The following PAK1IP1 variants were observed in gnomAD, a reference collection of about 807,000 sequenced individuals.
PAK1IP1 encodes the protein PAK1 interacting protein 1.
Under a neutral mutation model 42.0 loss-of-function variants are expected in PAK1IP1, and 24 were observed. That is an observed-to-expected ratio of 0.57 (90% confidence interval 0.41 to 0.80). The LOEUF (loss-of-function observed/expected upper bound fraction) is 0.80. Among genes scored for constraint, PAK1IP1 ranks in the 30% least tolerant of loss-of-function variants. The pLI, the probability that PAK1IP1 is intolerant of heterozygous loss-of-function variation, is 0.00. For synonymous variants in PAK1IP1, 154 were observed against 156.7 expected (o/e 0.98, Z 0.13); for missense variants, 411 against 467.9 (o/e 0.88, Z 1.12).
chr6:10,697,340 C>G lies in PAK1IP1; in HGVS notation c.101C>G (p.Ala34Gly). The G allele has an allele frequency of 6.2e-7, 1 of 1,613,684 alleles. No homozygotes were observed. Among genetic ancestry groups the G allele is most frequent in the Non-Finnish European group, 8.5e-7 (1 of 1,179,738 alleles). Residue 34 changes from alanine (A) to glycine (G), a missense_variant, in exon 2 of 10, where the codon GCT (alanine) becomes GGT (glycine). Physicochemically the swap from Ala to Gly is moderately conservative, Grantham distance 60 (BLOSUM62 0). Coordinates refer to ENST00000379568, the MANE Select transcript of PAK1IP1 (RefSeq NM_017906.3). ...CGDHEQWTLVADFTHHAHTAS... is the reference protein window; with the variant it reads ...CGDHEQWTLVGDFTHHAHTAS... ...CTTCAGCAGCAATGGACTCTTGTGG[C>G]TGACTTCACTCACCATGCTCACACT...
chr6:10,694,830 C>T, upstream of PAK1IP1: 2 of 583,762 alleles, frequency 3.4e-6, no homozygotes, highest in Non-Finnish European at 6.0e-6. Context: ...AGTGTTTCCA[C>T]GTTACAGGCG....
intron 2 of PAK1IP1, among the ~76,000 whole-genome samples, chr6:10,699,625 CAG>C (rs541718434): frequency 6.8e-4 from 104 of 152,220 alleles, no homozygotes; most frequent in African/African-American, 2.3e-3. Flanking sequence ...TCCCAGGGGA[CAG>C]AGAATGAGGA....
upstream of PAK1IP1, among the ~76,000 whole-genome samples, chr6:10,691,419 C>A (rs1269236470): frequency 6.6e-6 from 1 of 152,008 alleles, no homozygotes; most frequent in Non-Finnish European, 1.5e-5. Flanking sequence ...GACTGGGGGG[C>A]TGCATGCACC....
At chr6:10,701,294 A>C (rs61229353) in intron 2 of PAK1IP1, among the ~76,000 whole-genome samples, 2,950 of 152,074 alleles carry the variant, frequency 0.019, 87 homozygotes, top group African/African-American at 0.067. Flanking sequence ...CCAGGCTGGT[A>C]TTGAACTCCT....
chr6:10,697,580 A>G (rs1769897462), intron 2 of PAK1IP1, 94 bp downstream of exon 2: 3 of 977,504 alleles, frequency 3.1e-6, no homozygotes, highest in Non-Finnish European at 4.6e-6. Flanking sequence ...TTTATAGCAG[A>G]TTCTTTGCTA....
At chr6:10,706,512 C>CAG (rs1244252653) in intron 7 of PAK1IP1, among the ~76,000 whole-genome samples, 3 of 152,150 alleles carry the variant, frequency 2.0e-5, no homozygotes, top group Non-Finnish European at 1.5e-5. Context: ...GCCACTTCTT[C>CAG]CTCTCCCATC....
At chr6:10,699,309 A>G (rs1249499603) in intron 2 of PAK1IP1, among the ~76,000 whole-genome samples, 1 of 151,978 alleles carries the variant, frequency 6.6e-6, no homozygotes, top group Non-Finnish European at 1.5e-5. Flanking sequence ...GAGAGGCATG[A>G]AAGGGATGGG....
At position 10,708,991 on chromosome 6, in the gene PAK1IP1, T is replaced by A; in HGVS notation, c.879T>A (p.Asn293Lys). Residue 293 changes from asparagine (N) to lysine (K), a missense_variant, in exon 9 of 10, where the codon AAT (asparagine) becomes AAA (lysine). By Grantham distance (94) the Asn-to-Lys change is moderately conservative (BLOSUM62 0). Coordinates refer to ENST00000379568, the MANE Select transcript of PAK1IP1 (RefSeq NM_017906.3). The part of the protein sequence containing the change: ...PPSLLCEINT[N>K]ARLTCLGVWL... Reference sequence around the variant, plus strand: ...CTTTACTCTGTGAAATAAACACTAATGCCAGGCTGACGTGTCTTGGAGTGT... The same window carrying A: ...CTTTACTCTGTGAAATAAACACTAAAGCCAGGCTGACGTGTCTTGGAGTGT... 1 of 1,612,274 alleles carries A rather than the reference T, an allele frequency of 6.2e-7. No individual in the cohort carries two copies. Among genetic ancestry groups the A allele is most frequent in the Non-Finnish European group, 8.5e-7 (1 of 1,178,354 alleles).
At chr6:10,696,078 G>A (rs1466668576) in intron 1 of PAK1IP1, among the ~76,000 whole-genome samples, 1 of 152,030 alleles carries the variant, frequency 6.6e-6, no homozygotes, top group Admixed American at 6.6e-5. Flanking sequence ...GTACCAAAAT[G>A]TTGGTCCTAG....
chr6:10,693,232 G>A (rs1468384859), upstream of PAK1IP1, among the ~76,000 whole-genome samples: 9 of 152,200 alleles, frequency 5.9e-5, no homozygotes, highest in Non-Finnish European at 1.0e-4. Flanking sequence ...ACCCAAAGGC[G>A]TAAGGGACAA....
At chr6:10,697,931 C>T (rs905010757) in intron 2 of PAK1IP1, among the ~76,000 whole-genome samples, 3 of 151,450 alleles carry the variant, frequency 2.0e-5, no homozygotes, top group South Asian at 2.1e-4. Flanking sequence ...GGTTGGCTTA[C>T]GGTCTGTATT....
chr6:10,706,868 G>A (rs1770217634), intron 7 of PAK1IP1, among the ~76,000 whole-genome samples: 1 of 151,594 alleles, frequency 6.6e-6, no homozygotes, highest in Non-Finnish European at 1.5e-5. Context: ...CTCCAGCCTG[G>A]GCGATAGAGC....
upstream of PAK1IP1, among the ~76,000 whole-genome samples, chr6:10,693,023 T>A (rs946898465): frequency 2.0e-5 from 3 of 152,252 alleles, no homozygotes; most frequent in African/African-American, 7.2e-5. Flanking sequence ...GAAACAATAG[T>A]TTCTTTTAAA....
chr6:10,695,255 G>A (rs7759621), intron 1 of PAK1IP1, among the ~76,000 whole-genome samples, 186 bp downstream of exon 1: 12,308 of 152,088 alleles, frequency 0.081, 1,465 homozygotes, highest in African/African-American at 0.26. Flanking sequence ...TCAAAATGAG[G>A]CAATATCTGC....
chr6:10,694,597 TA>T, upstream of PAK1IP1: 1 of 195,446 alleles, frequency 5.1e-6, no homozygotes, highest in Non-Finnish European at 1.1e-5. Context: ...CTACAGCCCC[TA>T]AGCAACCGGC....
intron 8 of PAK1IP1, 58 bp from the exon 9 acceptor site, chr6:10,708,895 T>C (rs1770290413): frequency 7.1e-7 from 1 of 1,416,088 alleles, no homozygotes; most frequent in Non-Finnish European, 9.7e-7. Flanking sequence ...GGTAACTTGA[T>C]TATGGAAAAA....
At chr6:10,707,577 A>G (rs1770244149) in intron 8 of PAK1IP1, 63 bp downstream of exon 8, 1 of 996,456 alleles carries the variant, frequency 1.0e-6, no homozygotes, top group Non-Finnish European at 1.6e-6. Flanking sequence ...GTGAGGTGGA[A>G]TTTTTTTAAG....
At chr6:10,707,373 T>C in intron 7 of PAK1IP1, 42 bp from the exon 8 acceptor site, 3 of 1,077,502 alleles carry the variant, frequency 2.8e-6, no homozygotes, top group Non-Finnish European at 4.3e-6. Flanking sequence ...TTAGACTATT[T>C]GGAGGAAAAG....
chr6:10,708,184 C>T (rs189284034), intron 8 of PAK1IP1, among the ~76,000 whole-genome samples: 109 of 142,874 alleles, frequency 7.6e-4, no homozygotes, highest in Non-Finnish European at 1.3e-3. Flanking sequence ...AGTCACCCCC[C>T]ATCCTCTCCT....
Sources: gnomAD v4.1 joint callset for allele counts (sites outside exome capture counted in the v4.1 genomes callset) on GRCh38, gnomAD v4.1.1 for gene constraint, MANE v1.5 for transcripts, NCBI Gene and HGNC (gene_info 2026-07-23, HGNC 2026-07-21) for gene names.